The following C2orf15 variants were observed in gnomAD, a reference collection of about 807,000 sequenced individuals.
The protein encoded by C2orf15 is chromosome 2 open reading frame 15, also known as uncharacterized protein C2orf15.
C2orf15 carries 3 observed loss-of-function variants against 4.4 expected under a neutral mutation model. That is an observed-to-expected ratio of 0.67 (90% CI 0.31 to 1.74). The LOEUF is 1.74. C2orf15 is among the 40% of genes most tolerant of loss of function. The pLI, the probability that C2orf15 is intolerant of heterozygous loss-of-function variation, is 0.09. For synonymous variants in C2orf15, 37 were observed against 36.8 expected (o/e 1.00, Z -0.02); for missense variants, 90 against 103.3 (o/e 0.87, Z 0.56).
chr2:99,146,060 A>T (rs2093628608), intron 2 of C2orf15, among the ~76,000 whole-genome samples: 1 of 152,224 alleles, frequency 6.6e-6, no homozygotes, highest in Admixed American at 6.5e-5. Context: ...AGGAGGGCAG[A>T]TCACTTGAGG....
intron 2 of C2orf15, 69 bp from the exon 3 acceptor site, chr2:99,147,333 C>T (rs1036108741): frequency 1.2e-6 from 1 of 863,112 alleles, no homozygotes; most frequent in African/African-American, 1.7e-5. Context: ...GTAAAGAAAG[C>T]CACTTTGTTC....
chr2:99,148,762 G>A (rs992734540), intron 3 of C2orf15, among the ~76,000 whole-genome samples: 4 of 152,180 alleles, frequency 2.6e-5, no homozygotes, highest in Admixed American at 2.6e-4. Flanking sequence ...CCTGAGGTCA[G>A]GGGTTCAAGA....
At chr2:99,147,219 T>C (rs966891502) in intron 2 of C2orf15, 183 bp from the exon 3 acceptor site, 8 of 440,864 alleles carry the variant, frequency 1.8e-5, no homozygotes, top group Admixed American at 1.1e-4. Context: ...CAGGCTGGTC[T>C]CAAACTGCTG....
At chr2:99,145,162 T>C (rs2093619519) in intron 2 of C2orf15, among the ~76,000 whole-genome samples, 1 of 152,192 alleles carries the variant, frequency 6.6e-6, no homozygotes, top group Admixed American at 6.5e-5. Context: ...CCATGTTCCT[T>C]GGCTTGTGAT....
intron 3 of C2orf15, 149 bp downstream of exon 3, chr2:99,147,642 G>GT (rs2093646094): frequency 1.5e-6 from 1 of 688,504 alleles, no homozygotes; most frequent in African/African-American, 1.8e-5. Flanking sequence ...AGAGTTTTGT[G>GT]TTTTTTAAAA....
chr2:99,143,235 G>A lies in C2orf15; in HGVS notation c.-169+834G>A, dbSNP rs574292377. Among the ~76,000 whole-genome samples, 23 of 141,724 alleles carry A rather than the reference G, an allele frequency of 1.6e-4. No individual in the cohort carries two copies. The South Asian group carries it at 4.8e-3, about 30-fold the overall frequency. 93.0% of individuals were successfully genotyped at this position (141,724 alleles called of 152,430 possible). On this transcript the variant is annotated intron_variant, in intron 2 of 3. Coordinates refer to ENST00000650052, the MANE Select transcript of C2orf15 (RefSeq NM_144706.4). ...CGGCTCACTGCAACCTCCGCCTCCC[G>A]GGTTCATGCCATTCTCCTGCCTCAG...
At chr2:99,144,005 T>C (rs999201566) in intron 2 of C2orf15, among the ~76,000 whole-genome samples, 4 of 145,134 alleles carry the variant, frequency 2.8e-5, no homozygotes, top group African/African-American at 9.8e-5. Context: ...CACAGCTCAC[T>C]GATGCTGTGT....
At chr2:99,146,518 G>A (rs1301295386) in intron 2 of C2orf15, among the ~76,000 whole-genome samples, 2 of 151,826 alleles carry the variant, frequency 1.3e-5, no homozygotes, top group East Asian at 3.9e-4. Flanking sequence ...TATTGTTTAA[G>A]CTTTTTAGTC....
chr2:99,150,043 T>G (rs1174672281), intron 3 of C2orf15, among the ~76,000 whole-genome samples: 7 of 151,804 alleles, frequency 4.6e-5, no homozygotes, highest in Non-Finnish European at 1.0e-4. Context: ...TCCACCCGCC[T>G]CGGCCCCCAA....
chr2:99,147,348 T>C (rs2093642756), intron 2 of C2orf15, 54 bp from the exon 3 acceptor site: 4 of 999,732 alleles, frequency 4.0e-6, no homozygotes, highest in Non-Finnish European at 4.6e-6. Context: ...TTGTTCTTTT[T>C]CTCCAGATTG....
chr2:99,147,356 T>G, intron 2 of C2orf15, 46 bp from the exon 3 acceptor site: 1 of 1,043,450 alleles, frequency 9.6e-7, no homozygotes, highest in Non-Finnish European at 1.5e-6. Context: ...TTTCTCCAGA[T>G]TGATTTATCT....
Position 99,150,993 on chromosome 2 carries a change from T to C in C2orf15, c.*159T>C. The C allele has an allele frequency of 3.9e-6, 2 of 509,906 alleles. No individual in the cohort carries two copies. The highest frequency in any genetic ancestry group is 3.9e-5 in the South Asian group (1 of 25,810). The allele number at this position is 509,906 out of a possible 1,614,324, so 31.6% of individuals were successfully genotyped here. On this transcript the variant is annotated 3_prime_UTR_variant, in exon 4 of 4. Coordinates refer to ENST00000650052, the MANE Select transcript of C2orf15 (RefSeq NM_144706.4). ...AATCATCTTACACTGCATTTTTTTATGATGCTTATTCAAAAGGCAGTTGCT... is the reference window on the plus strand; with the variant it reads ...AATCATCTTACACTGCATTTTTTTACGATGCTTATTCAAAAGGCAGTTGCT...
chr2:99,148,396 A>G (rs2105144103), intron 3 of C2orf15: 1 of 152,328 alleles, frequency 6.6e-6, no homozygotes, highest in South Asian at 2.1e-4. Context: ...AGAGATATTA[A>G]AAAATTTAGC....
intron 3 of C2orf15, among the ~76,000 whole-genome samples, chr2:99,149,787 T>C (rs930295385): frequency 0.51 from 59,086 of 115,546 alleles, 15,610 homozygotes; most frequent in Middle Eastern, 0.71. Context: ...ACAAGTATCT[T>C]TTTTTTTTTT....
rs1234682001 is a variant in C2orf15 at position 99,147,449 on chromosome 2, A to C, written c.-121A>C. 1 of 1,613,848 alleles carries C rather than the reference A, an allele frequency of 6.2e-7. No homozygotes were observed. The highest frequency in any genetic ancestry group is 1.7e-5 in the Admixed American group (1 of 60,026). ...AAATGCCAGTCCAAAGAGGCCCCCA[A>C]TAGACTTGTTCACCCTTCATGTCCT... On this transcript the variant is annotated 5_prime_UTR_variant, in exon 3 of 4. Transcript: ENST00000650052.
At position 99,142,399 on chromosome 2, in the gene C2orf15, C is replaced by T. The variant is rs2093576714; in HGVS notation, c.-171C>T. Reference sequence around the variant, plus strand: ...GGAGACTAACAATTCCTGTTTTCGCCAGGTGAGTACTCATTTTTCCCCCCA... The same window carrying T: ...GGAGACTAACAATTCCTGTTTTCGCTAGGTGAGTACTCATTTTTCCCCCCA... On this transcript the variant is annotated splice_region_variant and 5_prime_UTR_variant, in exon 2 of 4. Transcript: ENST00000650052. 2 of 152,138 alleles carry T rather than the reference C, an allele frequency of 1.3e-5. No individual in the cohort carries two copies. The highest frequency in any genetic ancestry group is 4.8e-5 in the African/African-American group (2 of 41,418). 9.4% of individuals were successfully genotyped at this position (152,138 alleles called of 1,614,324 possible). A position where few individuals can be genotyped will look rare whatever the true frequency, so the allele number is the denominator to read the frequency against.
At chr2:99,150,398 C>A in intron 3 of C2orf15, 85 bp from the exon 4 acceptor site, 1 of 753,820 alleles carries the variant, frequency 1.3e-6, no homozygotes, top group East Asian at 2.6e-5. Flanking sequence ...CTAGTATCAC[C>A]ACAGCTTTTC....
In C2orf15 at chr2:99,150,479, TCA is replaced by T; in HGVS notation, c.-76-3_-76-2del. The T allele has an allele frequency of 1.4e-6, 2 of 1,463,158 alleles. No homozygotes were observed. Among genetic ancestry groups the T allele is most frequent in the Non-Finnish European group, 1.8e-6 (2 of 1,083,536 alleles). 90.6% of individuals were successfully genotyped at this position (1,463,158 alleles called of 1,614,324 possible). ...TCACTTGTTACTTTTTTTTTTTTTT[TCA>T]GTAATCAAGTTGAAGAAACACTTCC... is the stretch of plus-strand genomic sequence containing the variant. On this transcript the variant is annotated splice_acceptor_variant and splice_polypyrimidine_tract_variant and intron_variant, in intron 3 of 3. Coordinates refer to ENST00000650052, the MANE Select transcript of C2orf15 (RefSeq NM_144706.4). LOFTEE classifies it low-confidence loss of function (5UTR_SPLICE).
chr2:99,144,329 G>GT (rs1163088060), intron 2 of C2orf15, among the ~76,000 whole-genome samples: 2 of 151,796 alleles, frequency 1.3e-5, no homozygotes, highest in Non-Finnish European at 2.9e-5. Context: ...CCTGTGTTCC[G>GT]TTTTTTAAAT....
Sources: allele counts gnomAD v4.1 joint callset (sites outside exome capture counted in the v4.1 genomes callset), GRCh38; gene constraint gnomAD v4.1.1; transcripts MANE v1.5; gene names NCBI Gene and HGNC (gene_info 2026-07-23, HGNC 2026-07-21).